Variants in DAAM2 observed in about 807,000 individuals in gnomAD.
DAAM2 encodes the protein disheveled-associated activator of morphogenesis 2.
A neutral mutation model predicts 120.7 loss-of-function variants in DAAM2; 39 were observed. The observed-to-expected ratio is 0.32, with a 90% CI of 0.25 to 0.42. The LOEUF is 0.42. Ranked by LOEUF, DAAM2 falls within the 10% of genes least tolerant of loss-of-function variation. The probability of loss-of-function intolerance (pLI) is 1.00; values close to 1 mark genes in which losing one functional copy is unlikely to be tolerated. For synonymous variants in DAAM2, 488 were observed against 524.9 expected (o/e 0.93, Z 0.96); for missense variants, 1,283 against 1,401.7 (o/e 0.92, Z 1.35).
intron 15 of DAAM2, chr6:39,884,334 A>C (rs764401372): frequency 5.3e-6 from 2 of 375,002 alleles, no homozygotes; most frequent in Non-Finnish European, 9.7e-6. Context: ...TGCTTGTATT[A>C]TGGTTCATAT....
In DAAM2 at chr6:39,879,200, CA is replaced by C; in HGVS notation, c.1569del (p.Pro525LeufsTer11). On this transcript the variant is annotated frameshift_variant, in exon 14 of 25. Transcript: ENST00000274867. LOFTEE classifies it high-confidence loss of function. The part of the protein sequence containing the change: ...ELSTGPVSSP[P>X]PPGGPLTLSS... ...CAGACAGGCCCTGTATCTTCCCCAC[CA>C]CCCCCTGGGGGCCCACTCACCTTGT... is the stretch of plus-strand genomic sequence containing the variant. 6.5e-7 allele frequency: 1 copy of C among 1,549,264 alleles called. No individual in the cohort carries two copies. Among genetic ancestry groups the C allele is most frequent in the Non-Finnish European group, 8.7e-7 (1 of 1,145,754 alleles).
chr6:39,873,436 C>T (rs889278296), intron 10 of DAAM2, 81 bp downstream of exon 10: 2 of 986,504 alleles, frequency 2.0e-6, no homozygotes, highest in Non-Finnish European at 3.2e-6. Context: ...TTTGGGACCT[C>T]CCTGGTTTGG....
intron 1 of DAAM2, among the ~76,000 whole-genome samples, chr6:39,835,555 C>T (rs1157378248): frequency 6.6e-6 from 1 of 152,182 alleles, no homozygotes; most frequent in Non-Finnish European, 1.5e-5. Flanking sequence ...GTATTGGTGC[C>T]AGGTCACAGA....
intron 1 of DAAM2, among the ~76,000 whole-genome samples, chr6:39,853,437 C>T (rs1367308956): frequency 6.6e-6 from 1 of 152,186 alleles, no homozygotes; most frequent in Admixed American, 6.5e-5. Flanking sequence ...ATGGTACTTC[C>T]TGTTCGCAGG....
In DAAM2 at chr6:39,904,063, C is replaced by T. The variant is rs770808882; in HGVS notation, c.*2026C>T. The T allele has an allele frequency of 5.1e-6, 2 of 388,728 alleles. No homozygotes were observed. The highest frequency in any genetic ancestry group is 3.9e-5 in the South Asian group (2 of 50,668). 24.1% of individuals were successfully genotyped at this position (388,728 alleles called of 1,614,324 possible). A position where few individuals can be genotyped will look rare whatever the true frequency, so the allele number is the denominator to read the frequency against. ...CTGACCAGGCTGATGTCAACCTAACCCCCTCAGGGGCAGGGAACAGGGGAG... is the reference window on the plus strand; with the variant it reads ...CTGACCAGGCTGATGTCAACCTAACTCCCTCAGGGGCAGGGAACAGGGGAG... On this transcript the variant is annotated 3_prime_UTR_variant, in exon 25 of 25. Transcript: ENST00000274867.
At chr6:39,871,234 C>T (rs1021002214) in intron 8 of DAAM2, among the ~76,000 whole-genome samples, 4 of 152,094 alleles carry the variant, frequency 2.6e-5, no homozygotes, top group Non-Finnish European at 4.4e-5. Context: ...CAAAGATAAG[C>T]GAGCCCAAAA....
intron 1 of DAAM2, among the ~76,000 whole-genome samples, chr6:39,852,549 G>A (rs368309445): frequency 1.3e-5 from 2 of 152,218 alleles, no homozygotes; most frequent in South Asian, 2.1e-4. Context: ...TGGGCAGGGC[G>A]AGTCTTACCT....
chr6:39,887,746 A>G (rs1366007843), intron 16 of DAAM2, 154 bp downstream of exon 16: 9 of 592,168 alleles, frequency 1.5e-5, no homozygotes, highest in Non-Finnish European at 2.7e-5. Context: ...TGCCTTGAGC[A>G]GCAGTTTGGG....
At chr6:39,864,236 A>T (rs1582695494) in intron 3 of DAAM2, among the ~76,000 whole-genome samples, 197 bp from the exon 4 acceptor site, 1 of 152,216 alleles carries the variant, frequency 6.6e-6, no homozygotes, top group Non-Finnish European at 1.5e-5. Context: ...TTGTCTGGCC[A>T]TGAGAGTCAA....
chr6:39,807,795 G>A (rs1480318470), intron 1 of DAAM2, among the ~76,000 whole-genome samples: 1 of 152,166 alleles, frequency 6.6e-6, no homozygotes, highest in Non-Finnish European at 1.5e-5. Context: ...GGGATTATAG[G>A]CTTGAGCCAC....
chr6:39,823,827 T>TTGGAGGC (rs1762572645), intron 1 of DAAM2, among the ~76,000 whole-genome samples: 1 of 152,192 alleles, frequency 6.6e-6, no homozygotes, highest in Non-Finnish European at 1.5e-5. Context: ...CCTGCCAGTC[T>TTGGAGGC]TGGAGGCTGG....
rs1208766701 is a variant in DAAM2, at chr6:39,903,549, CTTT to C, written c.*1513_*1515del. The C allele has an allele frequency of 3.3e-5, 5 of 152,486 alleles. No individual in the cohort carries two copies. Among genetic ancestry groups the C allele is most frequent in the African/African-American group, 1.2e-4 (5 of 41,452 alleles). The allele number at this position is 152,486 out of a possible 1,614,324, so 9.4% of individuals were successfully genotyped here. A position where few individuals can be genotyped will look rare whatever the true frequency, so the allele number is the denominator to read the frequency against. On this transcript the variant is annotated 3_prime_UTR_variant, in exon 25 of 25. Transcript: ENST00000274867. Reference sequence around the variant, plus strand: ...ACGTTCCGAGTTGGCCTTTCATCTTCTTTGAGACTGGCCCTGCCTAACCTCTAC... The same window carrying C: ...ACGTTCCGAGTTGGCCTTTCATCTTCGAGACTGGCCCTGCCTAACCTCTAC...
intron 10 of DAAM2, 43 bp downstream of exon 10, chr6:39,873,398 C>A: frequency 1.4e-6 from 2 of 1,401,876 alleles, no homozygotes; most frequent in Middle Eastern, 1.8e-4. Context: ...TGGCCTGAAC[C>A]TTGACTTGGG....
At position 39,856,509 on chromosome 6, in the gene DAAM2, G is replaced by A; in HGVS notation, c.168+39G>A. 2 of 1,378,222 alleles carry A rather than the reference G, an allele frequency of 1.5e-6. 1 individual carries two copies. Among genetic ancestry groups the A allele is most frequent in the East Asian group, 5.8e-5 (2 of 34,582 alleles). 85.4% of individuals were successfully genotyped at this position (1,378,222 alleles called of 1,614,324 possible). ...TGGGGAGAGACAGTGACAATGGGGA[G>A]GAGGGTGGATGGAGAGGCAGAGCTG... On this transcript the variant is annotated intron_variant, in intron 2 of 24. Transcript: ENST00000274867.
intron 1 of DAAM2, among the ~76,000 whole-genome samples, chr6:39,792,779 C>G (rs1470393342): frequency 6.6e-6 from 1 of 152,180 alleles, no homozygotes; most frequent in African/African-American, 2.4e-5. Context: ...TTTTTTGCGG[C>G]TTTGAAACCT....
chr6:39,809,156 C>A (rs182985074), intron 1 of DAAM2, among the ~76,000 whole-genome samples: 1 of 152,154 alleles, frequency 6.6e-6, no homozygotes, highest in Non-Finnish European at 1.5e-5. Flanking sequence ...GGAGTGGTGT[C>A]GTCAGAGCTC....
rs369091249 is a variant in DAAM2 at position 39,864,385 on chromosome 6, C to T, written c.259-48C>T. 170 of 1,460,388 alleles carry T rather than the reference C, an allele frequency of 1.2e-4. No individual in the cohort carries two copies. The African/African-American group carries it at 2.2e-3, about 19-fold the overall frequency. 90.5% of individuals were successfully genotyped at this position (1,460,388 alleles called of 1,614,324 possible). On this transcript the variant is annotated intron_variant, in intron 3 of 24. Transcript: ENST00000274867. ...GAATGAAGCTCAGGATCTCAGGCCA[C>T]GGGCCTGTCTTGCCTGTTGGTCCAT...
intron 1 of DAAM2, among the ~76,000 whole-genome samples, chr6:39,833,414 T>G (rs1231668625): frequency 1.3e-5 from 2 of 151,994 alleles, no homozygotes; most frequent in Non-Finnish European, 2.9e-5. Flanking sequence ...AAGTGATTCT[T>G]CTGCCTCAGC....
intron 15 of DAAM2, 32 bp from the exon 16 acceptor site, chr6:39,887,454 C>T (rs1488658506): frequency 4.5e-6 from 7 of 1,539,242 alleles, no homozygotes; most frequent in East Asian, 4.5e-5. Flanking sequence ...GGAACCCACA[C>T]CTCAACTGTC....
Sources: allele counts gnomAD v4.1 joint callset (sites outside exome capture counted in the v4.1 genomes callset), GRCh38; gene constraint gnomAD v4.1.1; transcripts MANE v1.5; gene names NCBI Gene and HGNC (gene_info 2026-07-23, HGNC 2026-07-21).